The following TBXAS1 variants were observed in gnomAD, a reference collection of about 807,000 sequenced individuals.
TBXAS1 encodes thromboxane A synthase 1, also known as thromboxane-A synthase.
A neutral mutation model predicts 60.7 loss-of-function variants in TBXAS1; 48 were observed. The ratio of observed to expected loss-of-function variants is 0.79; its 90% confidence interval spans 0.63 to 1.01. TBXAS1 has a LOEUF of 1.01. Among genes scored for constraint, TBXAS1 ranks in the 50% least tolerant of loss-of-function variants. TBXAS1 has a pLI of 0.00. For missense variants in TBXAS1, 685 were observed against 686.3 expected (o/e 1.00, Z 0.02); for synonymous variants, 287 against 269.7 (o/e 1.06, Z -0.63).
intron 1 of TBXAS1, among the ~76,000 whole-genome samples, chr7:139,857,293 A>G (rs1486236345): frequency 1.3e-5 from 2 of 152,156 alleles, no homozygotes; most frequent in East Asian, 3.8e-4. Context: ...ATATATAATC[A>G]TATAATATTC....
Position 139,955,557 on chromosome 7 carries a change from G to T in TBXAS1, c.638G>T (p.Cys213Phe), listed in dbSNP as rs561110643. ...QAPEDPFVKH[C>F]KRFFEFCIPR... ...CCTGAGGATCCCTTTGTGAAACACT[G>T]CAAGCGTTTCTTCGAATTCTGCATC... The change falls in exon 7 of 13, where the codon TGC (cysteine) becomes TTC (phenylalanine). Residue 213 changes from cysteine to phenylalanine, a missense_variant. By Grantham distance (205) the Cys-to-Phe change is radical. Transcript: ENST00000448866. The T allele has an allele frequency of 1.2e-6, 2 of 1,614,196 alleles. No individual in the cohort carries two copies. Among genetic ancestry groups the T allele is most frequent in the South Asian group, 2.2e-5 (2 of 91,082 alleles).
intron 9 of TBXAS1, among the ~76,000 whole-genome samples, chr7:139,989,690 G>A (rs138793321): frequency 0.034 from 5,190 of 152,262 alleles, 126 homozygotes; most frequent in Non-Finnish European, 0.053. Flanking sequence ...CCTGTCCTCC[G>A]TGGCCTACGC....
chr7:139,923,694 C>T (rs2117118341), intron 4 of TBXAS1, among the ~76,000 whole-genome samples: 1 of 152,146 alleles, frequency 6.6e-6, no homozygotes, highest in Middle Eastern at 3.4e-3. Context: ...TTAAAACCTG[C>T]AATTAAATTA....
At chr7:139,833,076 A>G (rs549355001) in intron 1 of TBXAS1, among the ~76,000 whole-genome samples, 1 of 151,188 alleles carries the variant, frequency 6.6e-6, no homozygotes, top group African/African-American at 2.4e-5. Flanking sequence ...AAAAAACAAC[A>G]ACAACAAAAA....
intron 9 of TBXAS1, among the ~76,000 whole-genome samples, chr7:139,984,129 T>A (rs1335106881): frequency 6.6e-6 from 1 of 152,252 alleles, no homozygotes; most frequent in Non-Finnish European, 1.5e-5. Flanking sequence ...TACCCGGCCA[T>A]GTGGCCCTGG....
intron 9 of TBXAS1, among the ~76,000 whole-genome samples, chr7:139,979,652 G>A (rs1291974758): frequency 1.3e-5 from 2 of 151,520 alleles, no homozygotes; most frequent in African/African-American, 4.9e-5. Context: ...CTTGAACCCA[G>A]GAAGCAGAGG....
chr7:139,951,028 C>T (rs1360043554), intron 5 of TBXAS1, among the ~76,000 whole-genome samples: 2 of 152,178 alleles, frequency 1.3e-5, no homozygotes, highest in Non-Finnish European at 2.9e-5. Context: ...TCCCAACATC[C>T]TGTCAATAGC....
chr7:139,825,998 A>C (rs1432938923), upstream of TBXAS1, among the ~76,000 whole-genome samples: 1 of 152,140 alleles, frequency 6.6e-6, no homozygotes, highest in Non-Finnish European at 1.5e-5. Context: ...TCTCATGTTT[A>C]TTTCACCTTG....
At chr7:139,957,833 C>CT (rs1809998576) in intron 8 of TBXAS1, 69 bp downstream of exon 8, 1 of 1,604,868 alleles carries the variant, frequency 6.2e-7, no homozygotes, top group African/African-American at 1.3e-5. Context: ...TGTCTCTGCT[C>CT]TTTCTCTTCC....
intron 9 of TBXAS1, among the ~76,000 whole-genome samples, chr7:139,965,880 T>C (rs1810750371): frequency 6.6e-6 from 1 of 151,258 alleles, no homozygotes; most frequent in Admixed American, 6.6e-5. Flanking sequence ...CCTTCTTTTA[T>C]TTTTTTAATT....
intron 4 of TBXAS1, among the ~76,000 whole-genome samples, chr7:139,804,531 G>T (rs1405941496): frequency 1.3e-5 from 2 of 152,174 alleles, no homozygotes; most frequent in African/African-American, 4.8e-5. Context: ...GTGAGGAAAT[G>T]AGATGTGGGA....
Position 140,020,152 on chromosome 7 carries a change from T to C in TBXAS1, c.*53T>C. On this transcript the variant is annotated 3_prime_UTR_variant, in exon 13 of 13. Coordinates refer to ENST00000448866, the MANE Select transcript of TBXAS1 (RefSeq NM_001061.7). ...GCACCCCCAAATTCAAAGAAAACCC[T>C]AAGTGTGGATGTTCAGAATTTTGGA... is the stretch of plus-strand genomic sequence containing the variant. 6.4e-7 allele frequency: 1 copy of C among 1,570,004 alleles called. No homozygotes were observed. Among genetic ancestry groups the C allele is most frequent in the East Asian group, 2.2e-5 (1 of 44,644 alleles).
chr7:139,986,793 G>GTA (rs1569522811), intron 9 of TBXAS1, among the ~76,000 whole-genome samples: 524 of 40,152 alleles, frequency 0.013, 6 homozygotes, highest in South Asian at 0.052. Context: ...GTGTGTGTGT[G>GTA]TGTGTGTATA....
intron 3 of TBXAS1, among the ~76,000 whole-genome samples, chr7:139,899,101 A>G (rs1308578288): frequency 6.6e-6 from 1 of 151,852 alleles, no homozygotes; most frequent in Non-Finnish European, 1.5e-5. Context: ...ACAGTGCCCC[A>G]TAATTTCCTG....
At chr7:139,988,052 C>T (rs770407089) in intron 9 of TBXAS1, among the ~76,000 whole-genome samples, 2 of 152,264 alleles carry the variant, frequency 1.3e-5, no homozygotes, top group Non-Finnish European at 2.9e-5. Context: ...AGTGGGCAGA[C>T]ATTGCAGTCC....
chr7:139,951,519 A>G (rs1348839509), intron 5 of TBXAS1, among the ~76,000 whole-genome samples: 1 of 134,494 alleles, frequency 7.4e-6, no homozygotes, highest in Non-Finnish European at 1.5e-5. Context: ...GCACTTTGGG[A>G]GGCCAAAGTG....
At chr7:140,008,306 G>T (rs1166086960) in intron 10 of TBXAS1, among the ~76,000 whole-genome samples, 1 of 152,152 alleles carries the variant, frequency 6.6e-6, no homozygotes, top group Non-Finnish European at 1.5e-5. Context: ...ACAAGGTTTT[G>T]GGTCTCAGTG....
rs116955336 is a variant in TBXAS1, at chr7:139,880,027, G to A, written c.236+4390G>A. 7.7e-3 allele frequency among the ~76,000 whole-genome samples: 1,168 copies of A among 152,256 alleles called. 16 individuals are homozygous for A. Among genetic ancestry groups the A allele is most frequent in the South Asian group, 0.029 (141 of 4,830 alleles). ...GCCAACCAAGTTGCTGGGAATACAG[G>A]CATGTGCCATCACGCCCAGCAAATT... On this transcript the variant is annotated intron_variant, in intron 3 of 12. Coordinates refer to ENST00000448866, the MANE Select transcript of TBXAS1 (RefSeq NM_001061.7).
At chr7:139,933,402 T>C (rs998724149) in intron 4 of TBXAS1, among the ~76,000 whole-genome samples, 1 of 152,212 alleles carries the variant, frequency 6.6e-6, no homozygotes, top group Non-Finnish European at 1.5e-5. Flanking sequence ...CTTTATTCCA[T>C]GTAGTGTGCC....
Sources: allele counts gnomAD v4.1 joint callset (sites outside exome capture counted in the v4.1 genomes callset), GRCh38; gene constraint gnomAD v4.1.1; transcripts MANE v1.5; gene names NCBI Gene and HGNC (gene_info 2026-07-23, HGNC 2026-07-21).